The following EPHA4 variants were observed in gnomAD, a reference collection of about 807,000 sequenced individuals.
EPHA4 encodes the protein ephrin type-A receptor 4.
A neutral mutation model predicts 108.3 loss-of-function variants in EPHA4; 19 were observed. The observed-to-expected ratio is 0.18, with a 90% CI of 0.12 to 0.26. The LOEUF is 0.26. EPHA4 is among the 10% of genes least tolerant of loss of function. EPHA4 has a pLI of 1.00. For synonymous variants in EPHA4, 449 were observed against 455.5 expected, an observed-to-expected ratio of 0.99 and a Z score of 0.18; for missense variants, 917 against 1,254.0, an observed-to-expected ratio of 0.73 and a Z score of 4.06.
Position 221,464,345 on chromosome 2 carries a change from T to C in EPHA4, c.1319-6355A>G, listed in dbSNP as rs1691240711. ...CTCAATTCAATACCCCAGCTCTGATTTGCTTCTTATCAAAGGTTTGTGCAT... is the reference window on the plus strand; with the variant it reads ...CTCAATTCAATACCCCAGCTCTGATCTGCTTCTTATCAAAGGTTTGTGCAT... On this transcript the variant is annotated intron_variant, in intron 5 of 17. Transcript: ENST00000281821. Among the ~76,000 whole-genome samples the C allele has an allele frequency of 2.6e-5, 4 of 152,358 alleles. No individual in the cohort carries two copies. In the South Asian group the frequency reaches 8.3e-4, roughly 32 times the overall value.
At chr2:221,556,950 G>T (rs558839764) in intron 3 of EPHA4, among the ~76,000 whole-genome samples, 41 of 152,182 alleles carry the variant, frequency 2.7e-4, no homozygotes, top group African/African-American at 9.6e-4. Flanking sequence ...TCTATTGAGG[G>T]TCTTGGAACA....
At chr2:221,451,734 G>A (rs1042115064) in intron 8 of EPHA4, among the ~76,000 whole-genome samples, 8 of 152,130 alleles carry the variant, frequency 5.3e-5, no homozygotes, top group African/African-American at 1.9e-4. Flanking sequence ...ATAAAATTAA[G>A]TTGCTTAACA....
chr2:221,501,125 C>T lies in EPHA4; in HGVS notation c.871G>A (p.Ala291Thr). The change falls in exon 4 of 18, where the codon GCC becomes ACC. Residue 291 changes from alanine (A) to threonine (T), a missense_variant. Physicochemically the swap from Ala to Thr is moderately conservative, Grantham distance 58 (BLOSUM62 0). Around this residue, in one of 3 missense-constraint regions of EPHA4, gnomAD observed 758 missense variants for 1,076.7 expected, o/e 0.70. Coordinates refer to ENST00000281821, the MANE Select transcript of EPHA4 (RefSeq NM_004438.5). ...YKALSTDATC[A>T]KCPPHSYSVW... ...GAGTAGCTGTGGGGTGGGCACTTGG[C>T]ACAGGTGGCATCCGTGGAGAGAGCC... is the stretch of plus-strand genomic sequence containing the variant. 1.2e-6 allele frequency: 2 copies of T among 1,612,994 alleles called. No homozygotes were observed. Among genetic ancestry groups the T allele is most frequent in the Non-Finnish European group, 1.7e-6 (2 of 1,179,450 alleles).
rs1294455846 is a variant in EPHA4, at chr2:221,419,753, A to T, written c.*1619T>A. 6.6e-6 allele frequency: 1 copy of T among 152,558 alleles called. No homozygotes were observed. The highest frequency in any genetic ancestry group is 1.5e-5 in the Non-Finnish European group (1 of 68,040). 9.5% of individuals were successfully genotyped at this position (152,558 alleles called of 1,614,324 possible). A position where few individuals can be genotyped will look rare whatever the true frequency, so the allele number is the denominator to read the frequency against. On this transcript the variant is annotated 3_prime_UTR_variant, in exon 18 of 18. Transcript: ENST00000281821. ...TGACAGCTACAAAATACACGTGTAG[A>T]TACAGGATGCGTGTAGATACAGGAT...
At chr2:221,434,676 G>C (rs2106097049) in intron 13 of EPHA4, among the ~76,000 whole-genome samples, 1 of 152,252 alleles carries the variant, frequency 6.6e-6, no homozygotes, top group East Asian at 1.9e-4. Flanking sequence ...CACAAAGGAA[G>C]GCAATGCTTA....
intron 15 of EPHA4, among the ~76,000 whole-genome samples, chr2:221,428,234 A>G (rs1486753598): frequency 6.6e-6 from 1 of 152,226 alleles, no homozygotes; most frequent in Admixed American, 6.5e-5. Context: ...CCTTACAATG[A>G]AAATATCTTC....
intron 2 of EPHA4, among the ~76,000 whole-genome samples, chr2:221,566,916 GA>G (rs1379202695): frequency 7.3e-5 from 4 of 55,134 alleles, no homozygotes; most frequent in South Asian, 5.6e-4. Flanking sequence ...AGGAGAAGGA[GA>G]AGGAGAAGGA....
rs74673310 is a variant in EPHA4 at position 221,469,765 on chromosome 2, C to G, written c.1319-11775G>C. ...GCTGCCAAATGGCCGGGCCTTGGAC[C>G]ACTTATGATATAGTCCCCATTCAAG... On this transcript the variant is annotated intron_variant, in intron 5 of 17. Transcript: ENST00000281821. 1.3e-3 allele frequency among the ~76,000 whole-genome samples: 196 copies of G among 152,272 alleles called. 2 individuals carry two copies. Among genetic ancestry groups the G allele is most frequent in the African/African-American group, 4.4e-3 (183 of 41,570 alleles).
At chr2:221,507,285 C>G (rs981256364) in intron 3 of EPHA4, among the ~76,000 whole-genome samples, 1 of 152,146 alleles carries the variant, frequency 6.6e-6, no homozygotes, top group Non-Finnish European at 1.5e-5. Flanking sequence ...AATGAGTAAA[C>G]TTTTCATCAA....
intron 3 of EPHA4, among the ~76,000 whole-genome samples, chr2:221,505,717 AGAGTATT>A (rs1282837033): frequency 1.3e-5 from 2 of 152,172 alleles, no homozygotes; most frequent in Non-Finnish European, 2.9e-5. Flanking sequence ...TCTAGAAGCT[AGAGTATT>A]AAGTATTGCG....
intron 11 of EPHA4, among the ~76,000 whole-genome samples, chr2:221,442,452 C>T (rs1013254940): frequency 6.6e-6 from 1 of 152,138 alleles, no homozygotes; most frequent in Non-Finnish European, 1.5e-5. Context: ...CCAAAGATTC[C>T]AGCACAAGGT....
At chr2:221,509,049 C>T (rs1284490514) in intron 3 of EPHA4, among the ~76,000 whole-genome samples, 2 of 152,150 alleles carry the variant, frequency 1.3e-5, no homozygotes, top group African/African-American at 4.8e-5. Flanking sequence ...AGAATTAAGG[C>T]TGGGCCCAGT....
In EPHA4 at chr2:221,519,429, A is replaced by G. The variant is rs1340207237; in HGVS notation, c.824-18257T>C. ...CAAAGCTCTGTGGAGTGGAAAACAG[A>G]TGGTGATTCCAAAGCAAGAATCTGA... On this transcript the variant is annotated intron_variant, in intron 3 of 17. Coordinates refer to ENST00000281821, the MANE Select transcript of EPHA4 (RefSeq NM_004438.5). 3.3e-5 allele frequency among the ~76,000 whole-genome samples: 5 copies of G among 152,280 alleles called. No individual in the cohort carries two copies. In the South Asian group the frequency reaches 1.0e-3, roughly 32 times the overall value.
chr2:221,436,937 C>T, intron 12 of EPHA4, 124 bp downstream of exon 12: 3 of 748,680 alleles, frequency 4.0e-6, no homozygotes, highest in Non-Finnish European at 6.8e-6. Context: ...CTCCATTTCT[C>T]CTCTTCTTTC....
intron 8 of EPHA4, among the ~76,000 whole-genome samples, chr2:221,454,039 G>A (rs963711118): frequency 3.3e-5 from 5 of 152,002 alleles, no homozygotes; most frequent in South Asian, 2.1e-4. Context: ...TAGCTGCCAG[G>A]TGTGGTGGCG....
chr2:221,534,396 G>A (rs182157128), intron 3 of EPHA4, among the ~76,000 whole-genome samples: 2 of 152,102 alleles, frequency 1.3e-5, no homozygotes, highest in East Asian at 1.9e-4. Flanking sequence ...GGTTTTTCTT[G>A]TATTGGAATG....
chr2:221,449,339 GC>G (rs1690699345), intron 8 of EPHA4, among the ~76,000 whole-genome samples: 1 of 152,184 alleles, frequency 6.6e-6, no homozygotes. Flanking sequence ...CCTGCAGGAA[GC>G]CACACTGCCT....
At chr2:221,446,096 AGAATT>A (rs781426949) in intron 9 of EPHA4, 22 bp downstream of exon 9, 3 of 1,488,242 alleles carry the variant, frequency 2.0e-6, no homozygotes, top group Non-Finnish European at 2.7e-6. Context: ...CTCTAAAAAT[AGAATT>A]TTTTAATCCA....
chr2:221,457,034 A>G (rs1690978821), intron 6 of EPHA4, among the ~76,000 whole-genome samples: 1 of 151,766 alleles, frequency 6.6e-6, no homozygotes, highest in South Asian at 2.1e-4. Context: ...TTTTTTTTTG[A>G]AAGGAACATT....
Sources: allele counts gnomAD v4.1 joint callset (sites outside exome capture counted in the v4.1 genomes callset), GRCh38; gene constraint gnomAD v4.1.1; regional missense constraint gnomAD v4.1.1; transcripts MANE v1.5; gene names NCBI Gene and HGNC (gene_info 2026-07-23, HGNC 2026-07-21).